NEK1: variants seen among roughly 807,000 people sequenced by gnomAD.
The protein encoded by NEK1 is serine/threonine-protein kinase Nek1.
In NEK1, 137 loss-of-function variants were observed where a neutral mutation model predicts 182.1. The observed-to-expected ratio is 0.75, with a 90% confidence interval of 0.65 to 0.87. The LOEUF (loss-of-function observed/expected upper bound fraction) is 0.87. NEK1 is among the 40% of genes least tolerant of loss of function. The pLI, the probability that NEK1 is intolerant of heterozygous loss-of-function variation, is 0.00. For synonymous variants in NEK1, 513 were observed against 492.2 expected (o/e 1.04, Z -0.56); for missense variants, 1,391 against 1,494.4 (o/e 0.93, Z 1.14).
chr4:169,400,160 T>C, intron 35 of NEK1, 65 bp downstream of exon 35: 2 of 1,440,498 alleles, frequency 1.4e-6, no homozygotes, highest in African/African-American at 1.4e-5. Context: ...CTGATTCATA[T>C]ACATGTATCA....
chr4:169,552,422 G>C (rs1761563453), intron 18 of NEK1, among the ~76,000 whole-genome samples: 1 of 148,650 alleles, frequency 6.7e-6, no homozygotes, highest in African/African-American at 2.5e-5. Context: ...AAAAATCTCA[G>C]AAAACCTAAA....
chr4:169,603,569 TGGCACA>T (rs1770836380), intron 2 of NEK1, among the ~76,000 whole-genome samples: 1 of 152,214 alleles, frequency 6.6e-6, no homozygotes, highest in African/African-American at 2.4e-5. Flanking sequence ...AAACAGTACT[TGGCACA>T]TATGAACACT....
intron 10 of NEK1, among the ~76,000 whole-genome samples, chr4:169,584,912 G>A (rs756600051): frequency 4.3e-4 from 65 of 152,224 alleles, no homozygotes; most frequent in South Asian, 2.1e-3. Flanking sequence ...AAGGCTGGGC[G>A]AACTGGTTCA....
intron 26 of NEK1, among the ~76,000 whole-genome samples, chr4:169,470,550 C>T (rs1232207325): frequency 1.3e-5 from 2 of 152,214 alleles, no homozygotes; most frequent in Admixed American, 6.5e-5. Flanking sequence ...CTGCCCTTAA[C>T]ATTTTTTCCT....
In NEK1 at chr4:169,473,582, A is replaced by C. The variant is rs150078873; in HGVS notation, c.2434+3542T>G. On this transcript the variant is annotated intron_variant, in intron 26 of 35. Transcript: ENST00000507142. ...ATTTAAAGTACAGAAATAATATTCA[A>C]TGATTTGAAAATAAGAGAAGGGTCA... Among the ~76,000 whole-genome samples the C allele has an allele frequency of 5.9e-3, 891 of 152,258 alleles. 9 individuals are homozygous for C. Among genetic ancestry groups the C allele is most frequent in the African/African-American group, 0.02 (849 of 41,554 alleles).
At chr4:169,419,416 T>C (rs577714829) in intron 31 of NEK1, among the ~76,000 whole-genome samples, 1 of 152,160 alleles carries the variant, frequency 6.6e-6, no homozygotes, top group African/African-American at 2.4e-5. Flanking sequence ...GAATACCAGA[T>C]AGAAACTTGA....
chr4:169,438,919 T>C (rs2149428030), intron 27 of NEK1, among the ~76,000 whole-genome samples: 1 of 152,334 alleles, frequency 6.6e-6, no homozygotes, highest in South Asian at 2.1e-4. Context: ...GAACTTGTCA[T>C]TAATTATAGC....
intron 23 of NEK1, among the ~76,000 whole-genome samples, chr4:169,492,199 T>C (rs370708204): frequency 3.9e-5 from 6 of 152,246 alleles, no homozygotes; most frequent in African/African-American, 1.4e-4. Flanking sequence ...TTAGAATGGA[T>C]GGAAAAATAA....
chr4:169,454,618 G>A lies in NEK1; in HGVS notation c.2587+8625C>T, dbSNP rs192047928. Among the ~76,000 whole-genome samples the A allele has an allele frequency of 5.8e-3, 887 of 152,156 alleles. 8 individuals carry two copies. The highest frequency in any genetic ancestry group is 1.0e-2 in the Non-Finnish European group (680 of 68,002). The stretch of plus-strand genomic sequence containing the variant: ...GATCATTAGAGAAATGCAAATCAAA[G>A]CCACAATGAGATACCATTTCACACC... On this transcript the variant is annotated intron_variant, in intron 27 of 35. Coordinates refer to ENST00000507142, the MANE Select transcript of NEK1 (RefSeq NM_001199397.3).
intron 5 of NEK1, among the ~76,000 whole-genome samples, chr4:169,598,278 AACAAAT>A (rs1454731068): frequency 6.6e-6 from 1 of 152,206 alleles, no homozygotes; most frequent in Non-Finnish European, 1.5e-5. Flanking sequence ...TAGAAGAGAT[AACAAAT>A]ACAACACTCC....
chr4:169,512,012 A>G (rs2149709244), intron 19 of NEK1, among the ~76,000 whole-genome samples: 1 of 152,100 alleles, frequency 6.6e-6, no homozygotes, highest in East Asian at 1.9e-4. Flanking sequence ...TCATTCATTC[A>G]CCCATTAAAG....
intron 29 of NEK1, among the ~76,000 whole-genome samples, chr4:169,433,034 G>A: frequency 6.6e-6 from 1 of 151,696 alleles, no homozygotes; most frequent in Non-Finnish European, 1.5e-5. Context: ...CAAAGTACTG[G>A]GAATACAGGT....
At chr4:169,443,520 T>C (rs1488253883) in intron 27 of NEK1, among the ~76,000 whole-genome samples, 3 of 151,788 alleles carry the variant, frequency 2.0e-5, no homozygotes, top group Non-Finnish European at 4.4e-5. Flanking sequence ...TGGAAGTCTA[T>C]GTGACATAAG....
chr4:169,433,438 TA>T (rs1266756829), intron 29 of NEK1, 106 bp downstream of exon 29: 3 of 1,042,638 alleles, frequency 2.9e-6, no homozygotes, highest in African/African-American at 1.6e-5. Flanking sequence ...TATAAGGTAT[TA>T]CAATATTAGG....
intron 27 of NEK1, among the ~76,000 whole-genome samples, chr4:169,461,590 T>C (rs1320993058): frequency 3.9e-5 from 6 of 152,184 alleles, no homozygotes; most frequent in Non-Finnish European, 7.3e-5. Context: ...GTGATTTCGA[T>C]GATGGTAAAA....
chr4:169,456,214 G>T (rs1272912409), intron 27 of NEK1, among the ~76,000 whole-genome samples: 1 of 152,054 alleles, frequency 6.6e-6, no homozygotes, highest in East Asian at 1.9e-4. Context: ...TACAGCAAAA[G>T]CAGTACTAAG....
intron 2 of NEK1, 26 bp downstream of exon 2, chr4:169,611,994 C>T (rs904480090): frequency 1.3e-5 from 2 of 152,214 alleles, no homozygotes; most frequent in Non-Finnish European, 2.9e-5. Flanking sequence ...TTTTGCATGT[C>T]ATTCCTTCCC....
chr4:169,503,819 T>G (rs1394256778), intron 23 of NEK1, among the ~76,000 whole-genome samples: 1 of 152,126 alleles, frequency 6.6e-6, no homozygotes, highest in Non-Finnish European at 1.5e-5. Context: ...GGCAAAGATT[T>G]CTTCAGTAAT....
intron 5 of NEK1, 89 bp downstream of exon 5, chr4:169,599,011 T>C: frequency 1.1e-6 from 1 of 906,946 alleles, no homozygotes; most frequent in African/African-American, 1.6e-5. Flanking sequence ...TGATTAGCAT[T>C]TGTAGTTAAA....
Sources: allele counts gnomAD v4.1 joint callset (sites outside exome capture counted in the v4.1 genomes callset), GRCh38; gene constraint gnomAD v4.1.1; transcripts MANE v1.5; gene names NCBI Gene and HGNC (gene_info 2026-07-23, HGNC 2026-07-21).